USP15: variants seen among roughly 807,000 people sequenced by gnomAD.
USP15 encodes the protein ubiquitin carboxyl-terminal hydrolase 15.
USP15 carries 18 observed loss-of-function variants against 127.1 expected under a neutral mutation model. The ratio of observed to expected loss-of-function variants is 0.14; its 90% CI spans 0.10 to 0.21. The LOEUF (loss-of-function observed/expected upper bound fraction) is 0.21. USP15 is among the 10% of genes least tolerant of loss of function. USP15 has a pLI of 1.00. For missense variants in USP15, 805 were observed against 1,159.9 expected (o/e 0.69, Z 4.44); for synonymous variants, 364 against 393.7 (o/e 0.92, Z 0.89).
intron 19 of USP15, among the ~76,000 whole-genome samples, chr12:62,394,475 GA>G (rs1010039752): frequency 6.6e-6 from 1 of 152,044 alleles, no homozygotes; most frequent in Non-Finnish European, 1.5e-5. Context: ...ATTATTGAGT[GA>G]AAAAAAGATC....
intron 1 of USP15, among the ~76,000 whole-genome samples, chr12:62,277,909 T>C (rs1433406865): frequency 6.6e-6 from 1 of 152,144 alleles, no homozygotes; most frequent in African/African-American, 2.4e-5. Flanking sequence ...TTTTCTTCAA[T>C]AATAAAATTA....
intron 18 of USP15, among the ~76,000 whole-genome samples, chr12:62,392,641 T>C (rs956241193): frequency 6.6e-6 from 1 of 152,132 alleles, no homozygotes; most frequent in African/African-American, 2.4e-5. Context: ...GTTACCTTTT[T>C]TCCAAGAAAT....
At chr12:62,264,015 G>C (rs1268403390) in intron 1 of USP15, among the ~76,000 whole-genome samples, 1 of 152,212 alleles carries the variant, frequency 6.6e-6, no homozygotes, top group Admixed American at 6.5e-5. Flanking sequence ...TTGAAACAGA[G>C]TCTCGCTGTG....
At chr12:62,306,552 A>C (rs1436920030) in intron 3 of USP15, among the ~76,000 whole-genome samples, 2 of 152,140 alleles carry the variant, frequency 1.3e-5, no homozygotes, top group Non-Finnish European at 2.9e-5. Flanking sequence ...AGTAAACTGA[A>C]AGGTTAAAGA....
At chr12:62,341,899 G>C (rs920286751) in intron 6 of USP15, among the ~76,000 whole-genome samples, 5 of 152,106 alleles carry the variant, frequency 3.3e-5, no homozygotes, top group African/African-American at 1.2e-4. Context: ...GGTGGTCTGT[G>C]TATTTCCTGA....
In USP15 at chr12:62,363,496, G is replaced by C. The variant is rs1024015650; in HGVS notation, c.915+8021G>C. Among the ~76,000 whole-genome samples the C allele has an allele frequency of 3.3e-5, 5 of 151,988 alleles. No homozygotes were observed. In the South Asian group the frequency reaches 1.0e-3, roughly 32 times the overall value. The stretch of plus-strand genomic sequence containing the variant: ...TCTTCCTCTAAATATATATATTCTT[G>C]CACTCTCACTTCCATTAGGTCGCTA... On this transcript the variant is annotated intron_variant, in intron 8 of 21. Transcript: ENST00000280377.
Position 62,302,948 on chromosome 12 carries a change from ATAT to A in USP15, c.348+33_348+35del, listed in dbSNP as rs1272461882. ...ACATTTTAATAATAACTGACTATAA[ATAT>A]TATTTTTCTTGATTAGTTCACATTT... On this transcript the variant is annotated intron_variant, in intron 3 of 21. Transcript: ENST00000280377. 5.7e-6 allele frequency: 9 copies of A among 1,591,080 alleles called. No homozygotes were observed. In the South Asian group the frequency reaches 6.8e-5, roughly 12 times the overall value.
chr12:62,329,121 C>T (rs905896693), intron 6 of USP15, among the ~76,000 whole-genome samples: 7 of 151,938 alleles, frequency 4.6e-5, no homozygotes, highest in Non-Finnish European at 7.4e-5. Context: ...GTAGGCTGGG[C>T]ATGGTGGCTT....
intron 1 of USP15, among the ~76,000 whole-genome samples, chr12:62,293,893 G>A (rs989773780): frequency 6.6e-6 from 1 of 151,538 alleles, no homozygotes; most frequent in Non-Finnish European, 1.5e-5. Context: ...AAATTCTTAC[G>A]GTTATTTCCA....
intron 17 of USP15, 66 bp from the exon 18 acceptor site, chr12:62,392,206 A>G (rs2067348732): frequency 2.0e-6 from 2 of 1,017,168 alleles, no homozygotes; most frequent in Non-Finnish European, 1.5e-6. Context: ...ATTCATAGTA[A>G]GATGGTATCA....
intron 11 of USP15, among the ~76,000 whole-genome samples, chr12:62,387,598 T>A (rs1169697924): frequency 6.6e-6 from 1 of 152,102 alleles, no homozygotes; most frequent in Non-Finnish European, 1.5e-5. Context: ...AAATAAAGAC[T>A]GATAAGTTGT....
intron 3 of USP15, among the ~76,000 whole-genome samples, chr12:62,311,380 G>T (rs1299902913): frequency 6.6e-6 from 1 of 151,502 alleles, no homozygotes; most frequent in South Asian, 2.1e-4. Flanking sequence ...TTCTGTAAAG[G>T]GCCAGATAGT....
chr12:62,298,049 A>G (rs2064188282), intron 2 of USP15, among the ~76,000 whole-genome samples: 1 of 152,216 alleles, frequency 6.6e-6, no homozygotes, highest in Non-Finnish European at 1.5e-5. Context: ...GACTTGGACA[A>G]GTAGATGAAT....
intron 1 of USP15, among the ~76,000 whole-genome samples, chr12:62,280,544 G>T (rs1273096050): frequency 6.6e-6 from 1 of 152,154 alleles, no homozygotes; most frequent in East Asian, 1.9e-4. Context: ...TAGTGGAAGG[G>T]ATGAGGTGTC....
intron 1 of USP15, among the ~76,000 whole-genome samples, chr12:62,282,027 T>C (rs968876510): frequency 6.6e-6 from 1 of 152,130 alleles, no homozygotes; most frequent in African/African-American, 2.4e-5. Context: ...TGCTTACATA[T>C]AATAAAGTTT....
intron 19 of USP15, chr12:62,393,948 G>A (rs1042750054): frequency 6.6e-5 from 10 of 152,198 alleles, no homozygotes; most frequent in Admixed American, 4.6e-4. Context: ...GGATAACACA[G>A]TAGTGAAATA....
In USP15 at chr12:62,300,651, C is replaced by T. The variant is rs2064284940; in HGVS notation, c.218-2139C>T. On this transcript the variant is annotated intron_variant, in intron 2 of 21. Transcript: ENST00000280377. The stretch of plus-strand genomic sequence containing the variant: ...TAGAAAAAGGTAAAAGAGGAATTCA[C>T]TGGCAAAAGGATAGTCTTTTAAACA... 2.0e-5 allele frequency among the ~76,000 whole-genome samples: 3 copies of T among 152,126 alleles called. No individual in the cohort carries two copies. The South Asian group carries it at 6.2e-4, about 32-fold the overall frequency.
intron 6 of USP15, chr12:62,334,129 T>C (rs912038267): frequency 2.0e-5 from 3 of 152,158 alleles, no homozygotes; most frequent in African/African-American, 7.2e-5. Context: ...ATACCATCCT[T>C]TTGTAGTGGC....
intron 1 of USP15, among the ~76,000 whole-genome samples, chr12:62,284,432 A>G (rs1441987199): frequency 6.6e-6 from 1 of 152,232 alleles, no homozygotes; most frequent in Non-Finnish European, 1.5e-5. Flanking sequence ...GAATACTGGT[A>G]CATAGATAAT....
Sources: allele counts gnomAD v4.1 joint callset (sites outside exome capture counted in the v4.1 genomes callset), GRCh38; gene constraint gnomAD v4.1.1; transcripts MANE v1.5; gene names NCBI Gene and HGNC (gene_info 2026-07-23, HGNC 2026-07-21).